The following TPD52L1 variants were observed in gnomAD, a reference collection of about 807,000 sequenced individuals.
TPD52L1 encodes the protein tumor protein D53.
In TPD52L1, 18 loss-of-function variants were observed where a neutral mutation model predicts 28.7. That is an observed-to-expected ratio of 0.63 (90% CI 0.43 to 0.93). TPD52L1 has a LOEUF of 0.93. TPD52L1 is among the 40% of genes least tolerant of loss of function. The pLI, the probability that TPD52L1 is intolerant of heterozygous loss-of-function variation, is 0.00. For synonymous variants in TPD52L1, 75 were observed against 88.8 expected, an observed-to-expected ratio of 0.84 and a Z score of 0.88; for missense variants, 203 against 254.8, an observed-to-expected ratio of 0.80 and a Z score of 1.39.
intron 3 of TPD52L1, among the ~76,000 whole-genome samples, chr6:125,230,197 T>C (rs141279777): frequency 2.0e-5 from 3 of 152,306 alleles, no homozygotes; most frequent in African/African-American, 7.2e-5. Context: ...TTTTATTAGA[T>C]TATTCTTAAG....
chr6:125,258,104 T>C (rs977150570), intron 6 of TPD52L1, among the ~76,000 whole-genome samples: 1 of 152,238 alleles, frequency 6.6e-6, no homozygotes, highest in African/African-American at 2.4e-5. Flanking sequence ...TTGTAAGTTA[T>C]TCCTTACTCG....
At chr6:125,187,076 T>A (rs982706094) in intron 1 of TPD52L1, among the ~76,000 whole-genome samples, 6 of 152,104 alleles carry the variant, frequency 3.9e-5, no homozygotes, top group Non-Finnish European at 5.9e-5. Flanking sequence ...GTTAATAGAT[T>A]AATATCAATA....
chr6:125,237,282 A>AG (rs1796321881), intron 3 of TPD52L1, among the ~76,000 whole-genome samples: 1 of 152,176 alleles, frequency 6.6e-6, no homozygotes, highest in South Asian at 2.1e-4. Context: ...TAGAAGGATA[A>AG]GGTGGAAGTA....
Position 125,223,708 on chromosome 6 carries a change from C to CAAAA in TPD52L1, c.135+3535_135+3538dup, listed in dbSNP as rs11294390. 4.4e-3 allele frequency among the ~76,000 whole-genome samples: 313 copies of CAAAA among 71,366 alleles called. 2 individuals are homozygous for CAAAA. The highest frequency in any genetic ancestry group is 5.7e-3 in the Non-Finnish European group (204 of 35,580). The allele number at this position is 71,366 out of a possible 152,430, so 46.8% of individuals were successfully genotyped here. On this transcript the variant is annotated intron_variant, in intron 2 of 6. Coordinates refer to ENST00000534000, the MANE Select transcript of TPD52L1 (RefSeq NM_003287.4). ...TAGGCAACAGAGTGAGATTCCATCT[C>CAAAA]AAAAAAAAAAAAAAAAAAAAAAAGG...
chr6:125,195,258 CT>C (rs1793350745), intron 1 of TPD52L1, among the ~76,000 whole-genome samples: 1 of 152,162 alleles, frequency 6.6e-6, no homozygotes, highest in Non-Finnish European at 1.5e-5. Flanking sequence ...GTTTGAGTCT[CT>C]CTAGTCACTG....
intron 1 of TPD52L1, among the ~76,000 whole-genome samples, chr6:125,163,704 T>C (rs1220662019): frequency 6.6e-6 from 1 of 151,302 alleles, no homozygotes; most frequent in African/African-American, 2.4e-5. Flanking sequence ...GGTGGGCGGA[T>C]CACCTGAGGT....
At chr6:125,175,283 A>G (rs1415538193) in intron 1 of TPD52L1, among the ~76,000 whole-genome samples, 1 of 152,204 alleles carries the variant, frequency 6.6e-6, no homozygotes, top group Admixed American at 6.5e-5. Flanking sequence ...TATTGAGTGC[A>G]TATAGCATTA....
chr6:125,219,881 T>C, intron 1 of TPD52L1, 197 bp from the exon 2 acceptor site: 1 of 601,012 alleles, frequency 1.7e-6, no homozygotes, highest in Non-Finnish European at 3.0e-6. Flanking sequence ...AATTTTTTTC[T>C]TTTTTTGGCT....
chr6:125,153,947 C>T lies in TPD52L1; in HGVS notation c.-5C>T. ...CCCGCCGCCCTCAGCTCGAAGTCAG[C>T]CACCATGGAGGCGCAGGCACAAGGT... On this transcript the variant is annotated 5_prime_UTR_variant, in exon 1 of 7. Transcript: ENST00000534000. The T allele has an allele frequency of 1.2e-6, 2 of 1,606,874 alleles. No homozygotes were observed. Among genetic ancestry groups the T allele is most frequent in the South Asian group, 2.2e-5 (2 of 89,688 alleles).
intron 1 of TPD52L1, among the ~76,000 whole-genome samples, chr6:125,159,840 A>G (rs1027114561): frequency 2.0e-5 from 3 of 152,156 alleles, no homozygotes; most frequent in Non-Finnish European, 4.4e-5. Flanking sequence ...CACGTATGAT[A>G]TTGTTTGGCT....
intron 2 of TPD52L1, among the ~76,000 whole-genome samples, chr6:125,221,398 A>G (rs113609578): frequency 4.8e-4 from 73 of 152,302 alleles, no homozygotes; most frequent in African/African-American, 1.7e-3. Flanking sequence ...GTTCATGTCA[A>G]CTGCAGGGTC....
intron 1 of TPD52L1, among the ~76,000 whole-genome samples, chr6:125,186,041 G>C (rs964208855): frequency 2.0e-5 from 3 of 151,684 alleles, no homozygotes; most frequent in African/African-American, 7.3e-5. Flanking sequence ...TTATAGATGC[G>C]TGCCACCACG....
chr6:125,244,911 G>T lies in TPD52L1; in HGVS notation c.285-3371G>T, dbSNP rs1051819845. On this transcript the variant is annotated intron_variant, in intron 3 of 6. Transcript: ENST00000534000. ...TGTTCACATTCTTTTGTACCATAGG[G>T]TGATCCTTTGATGTAGTGCTCGCCC... Among the ~76,000 whole-genome samples, 3 of 152,162 alleles carry T rather than the reference G, an allele frequency of 2.0e-5. No homozygotes were observed. The East Asian group carries it at 5.8e-4, about 29-fold the overall frequency.
intron 1 of TPD52L1, among the ~76,000 whole-genome samples, chr6:125,186,688 C>G (rs1792657673): frequency 6.6e-6 from 1 of 152,122 alleles, no homozygotes; most frequent in Admixed American, 6.5e-5. Context: ...CCATCTTTAT[C>G]AAAACGGTGT....
At chr6:125,214,467 A>G in intron 1 of TPD52L1, 1 of 984,170 alleles carries the variant, frequency 1.0e-6, no homozygotes, top group Non-Finnish European at 1.2e-6. Flanking sequence ...CTCCTCGGTA[A>G]GTCCTAGATA....
At chr6:125,202,414 G>T (rs1375652090) in intron 1 of TPD52L1, among the ~76,000 whole-genome samples, 2 of 152,134 alleles carry the variant, frequency 1.3e-5, no homozygotes, top group Non-Finnish European at 2.9e-5. Flanking sequence ...GCATGCACAG[G>T]TCGTGTTCAC....
intron 1 of TPD52L1, among the ~76,000 whole-genome samples, chr6:125,168,313 G>A (rs1200950865): frequency 6.6e-6 from 1 of 152,052 alleles, no homozygotes; most frequent in Admixed American, 6.5e-5. Context: ...ATCATAACGG[G>A]CTCAGTAACC....
At position 125,260,948 on chromosome 6, in the gene TPD52L1, GA is replaced by G. The variant is rs1208254703; in HGVS notation, c.487-1883del. ...AGAAAGAAAGAAAGAAAGAAAGAAA[GA>G]AAGAAAGAAAGAAAGAAAGAAAGAA... On this transcript the variant is annotated intron_variant, in intron 6 of 6. Transcript: ENST00000534000. 3.0e-3 allele frequency: 117 copies of G among 39,478 alleles called. 3 individuals carry two copies. Among genetic ancestry groups the G allele is most frequent in the African/African-American group, 0.027 (115 of 4,228 alleles). 2.4% of individuals were successfully genotyped at this position (39,478 alleles called of 1,614,324 possible). A position where few individuals can be genotyped will look rare whatever the true frequency, so the allele number is the denominator to read the frequency against.
intron 1 of TPD52L1, chr6:125,154,202 C>T (rs1789958038): frequency 7.4e-7 from 1 of 1,351,430 alleles, no homozygotes; most frequent in South Asian, 1.8e-5. Context: ...GAGGCCCCTC[C>T]TCAGGAAATG....
Sources: gnomAD v4.1 joint callset for allele counts (sites outside exome capture counted in the v4.1 genomes callset) on GRCh38, gnomAD v4.1.1 for gene constraint, MANE v1.5 for transcripts, NCBI Gene and HGNC (gene_info 2026-07-23, HGNC 2026-07-21) for gene names.